AP3S1: variants seen among roughly 807,000 people sequenced by gnomAD.
The protein encoded by AP3S1 is adaptor related protein complex 3 subunit sigma 1.
In AP3S1, 12 loss-of-function variants were observed where a neutral mutation model predicts 21.3. That is an observed-to-expected ratio of 0.56 (90% CI 0.36 to 0.91). The LOEUF is 0.91. Among genes scored for constraint, AP3S1 ranks in the 40% least tolerant of loss-of-function variants. The pLI, the probability that AP3S1 is intolerant of heterozygous loss-of-function variation, is 0.01. For missense variants in AP3S1, 116 were observed against 225.0 expected (o/e 0.52, Z 3.10); for synonymous variants, 48 against 78.4 (o/e 0.61, Z 2.05).
chr5:115,877,249 C>CGT (rs1561498373), intron 3 of AP3S1, among the ~76,000 whole-genome samples: 1 of 151,912 alleles, frequency 6.6e-6, no homozygotes, highest in African/African-American at 2.4e-5. Flanking sequence ...AGGTTTGTTA[C>CGT]ATAGGTATAC....
At chr5:115,885,570 G>A (rs1749709623) in intron 3 of AP3S1, among the ~76,000 whole-genome samples, 2 of 152,136 alleles carry the variant, frequency 1.3e-5, no homozygotes, top group African/African-American at 4.8e-5. Flanking sequence ...TTCTAGCCAC[G>A]CTGGCAGCCA....
chr5:115,912,017 TA>T (rs1381700332), intron 5 of AP3S1: 2 of 152,044 alleles, frequency 1.3e-5, no homozygotes, highest in Non-Finnish European at 2.9e-5. Context: ...ATTTTTCTAT[TA>T]TTTCCAATTC....
intron 4 of AP3S1, among the ~76,000 whole-genome samples, chr5:115,896,286 T>A (rs1055188041): frequency 5.3e-5 from 8 of 152,346 alleles, no homozygotes; most frequent in African/African-American, 1.9e-4. Flanking sequence ...CTTTGGCCAG[T>A]ATTCTAGATC....
intron 3 of AP3S1, among the ~76,000 whole-genome samples, chr5:115,874,584 T>G (rs1303279815): frequency 6.6e-6 from 1 of 152,122 alleles, no homozygotes; most frequent in Non-Finnish European, 1.5e-5. Flanking sequence ...AAACTTTCTT[T>G]AGGTTTAGAA....
chr5:115,869,542 C>T (rs1748035865), intron 2 of AP3S1, among the ~76,000 whole-genome samples: 1 of 152,210 alleles, frequency 6.6e-6, no homozygotes, highest in South Asian at 2.1e-4. Flanking sequence ...TTAGTACTTA[C>T]TACCTTAGCC....
At chr5:115,853,677 G>A (rs1219864680) in intron 1 of AP3S1, among the ~76,000 whole-genome samples, 1 of 152,088 alleles carries the variant, frequency 6.6e-6, no homozygotes, top group East Asian at 1.9e-4. Flanking sequence ...TCTTTTACAT[G>A]TGGATATTTA....
intron 1 of AP3S1, among the ~76,000 whole-genome samples, chr5:115,855,916 C>G (rs189572645): frequency 3.0e-3 from 458 of 151,866 alleles, no homozygotes; most frequent in African/African-American, 0.011. Flanking sequence ...TTTAAAGTTG[C>G]CTGTGTGATA....
chr5:115,850,282 G>A (rs958212718), intron 1 of AP3S1, among the ~76,000 whole-genome samples: 7 of 151,914 alleles, frequency 4.6e-5, no homozygotes, highest in South Asian at 2.1e-4. Flanking sequence ...TGATTCTACC[G>A]CATACATATC....
At chr5:115,905,767 G>A (rs1751595912) in intron 5 of AP3S1, among the ~76,000 whole-genome samples, 1 of 152,166 alleles carries the variant, frequency 6.6e-6, no homozygotes, top group African/African-American at 2.4e-5. Flanking sequence ...ATATTACTCT[G>A]CAGAATAATC....
intron 1 of AP3S1, among the ~76,000 whole-genome samples, chr5:115,857,177 C>T (rs1762859607): frequency 6.6e-6 from 1 of 152,144 alleles, no homozygotes; most frequent in South Asian, 2.1e-4. Context: ...GATAACATTC[C>T]TTAAAAGAAA....
At chr5:115,913,273 T>C in intron 5 of AP3S1, 89 bp from the exon 6 acceptor site, 1 of 976,694 alleles carries the variant, frequency 1.0e-6, no homozygotes, top group South Asian at 3.8e-5. Context: ...ATGAAAATCT[T>C]TTATCATTGT....
intron 5 of AP3S1, among the ~76,000 whole-genome samples, chr5:115,909,209 A>C (rs1751905520): frequency 6.6e-6 from 1 of 152,166 alleles, no homozygotes; most frequent in African/African-American, 2.4e-5. Flanking sequence ...TTATTGCATG[A>C]GGAAAAGGGA....
chr5:115,864,752 C>G (rs910617027), intron 1 of AP3S1, among the ~76,000 whole-genome samples: 1 of 152,180 alleles, frequency 6.6e-6, no homozygotes, highest in African/African-American at 2.4e-5. Context: ...TCAGAGAAAT[C>G]TAAGAGCGCA....
At chr5:115,845,836 C>CAAAAAAAAAAAAAAAAAA (rs755171274) in intron 1 of AP3S1, among the ~76,000 whole-genome samples, 7 of 34,452 alleles carry the variant, frequency 2.0e-4, no homozygotes, top group African/African-American at 3.5e-4. Context: ...GACTCCATCT[C>CAAAAAAAAAAAAAAAAAA]AAAAAAAAAA....
At chr5:115,859,756 C>A (rs923478343) in intron 1 of AP3S1, among the ~76,000 whole-genome samples, 2 of 152,154 alleles carry the variant, frequency 1.3e-5, no homozygotes, top group Admixed American at 6.5e-5. Context: ...TTATCATTAT[C>A]TTTAGATCTA....
At chr5:115,843,262 A>G (rs1048161944) in intron 1 of AP3S1, among the ~76,000 whole-genome samples, 5 of 152,266 alleles carry the variant, frequency 3.3e-5, no homozygotes, top group Admixed American at 2.0e-4. Context: ...TTTTATGCAG[A>G]TAAGTCCCAG....
chr5:115,853,133 C>T (rs1173557245), intron 1 of AP3S1: 2 of 365,966 alleles, frequency 5.5e-6, no homozygotes, highest in Non-Finnish European at 1.1e-5. Flanking sequence ...CTAACCAACT[C>T]TTGTTATTGT....
rs540562338 is a variant in AP3S1 at position 115,911,142 on chromosome 5, A to G, written c.454-2220A>G. On this transcript the variant is annotated intron_variant, in intron 5 of 5. Transcript: ENST00000316788. ...ACAGTCGACACCATCTTTGGTCACA[A>G]TGATACAACTCAATCTAATGAAATT... 3.2e-4 allele frequency among the ~76,000 whole-genome samples: 48 copies of G among 152,284 alleles called. 2 individuals are homozygous for G. In the South Asian group the frequency reaches 1.0e-2, roughly 32 times the overall value.
chr5:115,887,831 T>TG (rs961811304), intron 3 of AP3S1, among the ~76,000 whole-genome samples: 11 of 152,226 alleles, frequency 7.2e-5, no homozygotes, highest in African/African-American at 2.4e-4. Flanking sequence ...AATAGATACC[T>TG]GTTACTCTTT....
Sources: allele counts gnomAD v4.1 joint callset (sites outside exome capture counted in the v4.1 genomes callset), GRCh38; gene constraint gnomAD v4.1.1; transcripts MANE v1.5; gene names NCBI Gene and HGNC (gene_info 2026-07-23, HGNC 2026-07-21).